KCNQ5: variants seen among roughly 807,000 people sequenced by gnomAD.
KCNQ5 encodes the protein potassium voltage-gated channel subfamily KQT member 5.
A neutral mutation model predicts 98.2 loss-of-function variants in KCNQ5; 30 were observed. The ratio of observed to expected loss-of-function variants is 0.31; its 90% CI spans 0.23 to 0.41. The LOEUF (loss-of-function observed/expected upper bound fraction) is 0.41, where lower values mean the gene tolerates loss of function less well. Among genes scored for constraint, KCNQ5 ranks in the 10% least tolerant of loss-of-function variants. The pLI is 1.00. For synonymous variants in KCNQ5, 458 were observed against 449.4 expected (o/e 1.02, Z -0.24); for missense variants, 835 against 1,182.5 (o/e 0.71, Z 4.31).
At chr6:73,056,467 G>A (rs569057883) in intron 3 of KCNQ5, among the ~76,000 whole-genome samples, 24 of 152,248 alleles carry the variant, frequency 1.6e-4, no homozygotes, top group African/African-American at 4.3e-4. Flanking sequence ...GTTTCTCGTG[G>A]TGGTTGAAAT....
At chr6:72,775,704 C>T (rs574790531) in intron 1 of KCNQ5, among the ~76,000 whole-genome samples, 1 of 152,280 alleles carries the variant, frequency 6.6e-6, no homozygotes, top group East Asian at 1.9e-4. Flanking sequence ...GAGAATGGCA[C>T]TTTACATCTG....
intron 1 of KCNQ5, among the ~76,000 whole-genome samples, chr6:72,875,173 G>T (rs1272753106): frequency 6.6e-6 from 1 of 152,140 alleles, no homozygotes; most frequent in Non-Finnish European, 1.5e-5. Flanking sequence ...TTTACAGAAA[G>T]TCCATTATGA....
At chr6:72,909,087 T>C (rs1226238480) in intron 1 of KCNQ5, among the ~76,000 whole-genome samples, 2 of 152,174 alleles carry the variant, frequency 1.3e-5, no homozygotes, top group Non-Finnish European at 2.9e-5. Context: ...ATCATCTTTG[T>C]GATATTCTAA....
At chr6:72,685,973 C>A (rs1207144199) in intron 1 of KCNQ5, among the ~76,000 whole-genome samples, 4 of 152,164 alleles carry the variant, frequency 2.6e-5, no homozygotes, top group Admixed American at 6.5e-5. Flanking sequence ...ATAGTTGCCA[C>A]CTAGCCGCGT....
intron 3 of KCNQ5, among the ~76,000 whole-genome samples, chr6:73,043,506 C>T (rs1453952916): frequency 6.6e-6 from 1 of 152,130 alleles, no homozygotes; most frequent in Admixed American, 6.6e-5. Context: ...AGATTTTTCT[C>T]CCTGGAGATG....
intron 2 of KCNQ5, among the ~76,000 whole-genome samples, chr6:73,031,270 GT>G (rs1771129330): frequency 6.6e-6 from 1 of 152,146 alleles, no homozygotes; most frequent in Non-Finnish European, 1.5e-5. Context: ...GGTAGTTACT[GT>G]CCTCCAGCTT....
intron 1 of KCNQ5, among the ~76,000 whole-genome samples, chr6:72,786,188 A>G (rs1582286730): frequency 6.6e-6 from 1 of 152,136 alleles, no homozygotes; most frequent in African/African-American, 2.4e-5. Flanking sequence ...AACATAGCAC[A>G]CCTCAATTTG....
intron 1 of KCNQ5, among the ~76,000 whole-genome samples, chr6:72,828,116 G>A (rs1415577103): frequency 6.6e-6 from 1 of 152,128 alleles, no homozygotes; most frequent in Non-Finnish European, 1.5e-5. Flanking sequence ...GTACTATGCT[G>A]TTGTAGTTCC....
rs1554215774 is a variant in KCNQ5 at position 73,150,832 on chromosome 6, A to ATATG, written c.1468+17192_1468+17193insATGT. On this transcript the variant is annotated intron_variant, in intron 10 of 13. Coordinates refer to ENST00000370398, the MANE Select transcript of KCNQ5 (RefSeq NM_019842.4). ...TAGTGTGGGAAGTGTATATATATAT[A>ATATG]TGTGTGTGTGTGTGTGTGTATATCC... 3.9e-3 allele frequency among the ~76,000 whole-genome samples: 576 copies of ATATG among 148,192 alleles called. 3 individuals carry two copies. The highest frequency in any genetic ancestry group is 0.025 in the South Asian group (117 of 4,604).
At chr6:73,188,170 A>C (rs1765451255) in intron 11 of KCNQ5, among the ~76,000 whole-genome samples, 1 of 152,236 alleles carries the variant, frequency 6.6e-6, no homozygotes, top group African/African-American at 2.4e-5. Flanking sequence ...CCAGGAGGTA[A>C]TGTGGCAGTG....
intron 5 of KCNQ5, 38 bp from the exon 6 acceptor site, chr6:73,105,219 A>C (rs1294998178): frequency 8.2e-7 from 1 of 1,226,588 alleles, no homozygotes; most frequent in Non-Finnish European, 1.2e-6. Context: ...TTTCCTCTCA[A>C]GTACTTAAGC....
intron 1 of KCNQ5, among the ~76,000 whole-genome samples, chr6:72,671,442 G>T (rs1767099084): frequency 6.6e-6 from 1 of 152,120 alleles, no homozygotes; most frequent in South Asian, 2.1e-4. Flanking sequence ...AACTACTGAG[G>T]TTTTCATAAA....
At position 72,655,044 on chromosome 6, in the gene KCNQ5, CTT is replaced by C. The variant is rs1565060310; in HGVS notation, c.398+32459_398+32460del. On this transcript the variant is annotated intron_variant, in intron 1 of 13. Transcript: ENST00000370398. ...TCTGTCTGTCTTTCTTTCTTTCTTT[CTT>C]TCTTTCTTTCTTTCTTTCTTTCTTT... Among the ~76,000 whole-genome samples, 192 of 145,484 alleles carry C rather than the reference CTT, an allele frequency of 1.3e-3. 1 individual carries two copies. Among genetic ancestry groups the C allele is most frequent in the South Asian group, 9.6e-3 (44 of 4,566 alleles).
intron 10 of KCNQ5, among the ~76,000 whole-genome samples, chr6:73,151,415 T>C (rs1165002753): frequency 1.3e-5 from 2 of 152,244 alleles, no homozygotes; most frequent in Admixed American, 1.3e-4. Flanking sequence ...TTTTTCACTC[T>C]TCCTTCTGCA....
At chr6:72,910,525 T>A (rs1779889173) in intron 1 of KCNQ5, among the ~76,000 whole-genome samples, 1 of 151,682 alleles carries the variant, frequency 6.6e-6, no homozygotes, top group Non-Finnish European at 1.5e-5. Context: ...CTAAACCTTT[T>A]CAATTATAGT....
chr6:73,026,406 T>C (rs532977543), intron 2 of KCNQ5, among the ~76,000 whole-genome samples: 1 of 152,288 alleles, frequency 6.6e-6, no homozygotes, highest in African/African-American at 2.4e-5. Flanking sequence ...CTGATCCTTC[T>C]GTCTCGAAAC....
At chr6:72,870,866 A>C (rs1368091532) in intron 1 of KCNQ5, among the ~76,000 whole-genome samples, 2 of 152,232 alleles carry the variant, frequency 1.3e-5, no homozygotes, top group Non-Finnish European at 2.9e-5. Flanking sequence ...TGTGGTACAT[A>C]GGCTTTTAAA....
intron 1 of KCNQ5, among the ~76,000 whole-genome samples, chr6:72,771,915 C>T (rs1252392924): frequency 2.0e-5 from 3 of 151,992 alleles, no homozygotes; most frequent in East Asian, 1.9e-4. Flanking sequence ...ACAAGGACCT[C>T]GTGAAGCCCT....
chr6:72,905,519 A>T (rs957449489), intron 1 of KCNQ5, among the ~76,000 whole-genome samples: 39 of 152,122 alleles, frequency 2.6e-4, no homozygotes, highest in African/African-American at 9.2e-4. Flanking sequence ...GTCAGAGGGA[A>T]GGTCTAGGGC....
Sources: allele counts gnomAD v4.1 joint callset (sites outside exome capture counted in the v4.1 genomes callset), GRCh38; gene constraint gnomAD v4.1.1; transcripts MANE v1.5; gene names NCBI Gene and HGNC (gene_info 2026-07-23, HGNC 2026-07-21).